Variants in NUDT3 observed in about 807,000 individuals in gnomAD.
NUDT3 encodes diphosphoinositol polyphosphate phosphohydrolase 1.
NUDT3 carries 9 observed loss-of-function variants against 23.6 expected under a neutral mutation model. The observed-to-expected ratio is 0.38, with a 90% confidence interval of 0.23 to 0.66. The LOEUF (loss-of-function observed/expected upper bound fraction) is 0.66, where lower values mean the gene tolerates loss of function less well. Ranked by LOEUF, NUDT3 falls within the 30% of genes least tolerant of loss-of-function variation. The probability of loss-of-function intolerance (pLI) is 0.52; values close to 1 mark genes in which losing one functional copy is unlikely to be tolerated. For missense variants in NUDT3, 172 were observed against 218.5 expected (o/e 0.79, Z 1.34); for synonymous variants, 86 against 82.6 (o/e 1.04, Z -0.22).
intron 2 of NUDT3, among the ~76,000 whole-genome samples, chr6:34,320,053 T>G (rs1450221156): frequency 6.6e-6 from 1 of 152,192 alleles, no homozygotes; most frequent in African/African-American, 2.4e-5. Flanking sequence ...TCCTTTTTAA[T>G]AATTTACATG....
At chr6:34,326,403 A>G (rs1246961536) in intron 2 of NUDT3, among the ~76,000 whole-genome samples, 1 of 152,252 alleles carries the variant, frequency 6.6e-6, no homozygotes, top group Non-Finnish European at 1.5e-5. Flanking sequence ...AGTTTAAAAT[A>G]AAGTTAAAAT....
At chr6:34,299,619 TTA>T (rs1491228632) in intron 2 of NUDT3, among the ~76,000 whole-genome samples, 8 of 135,466 alleles carry the variant, frequency 5.9e-5, no homozygotes, top group South Asian at 2.3e-4. Context: ...TTTTTTTTTT[TTA>T]AAGTCCAGGT....
At chr6:34,304,651 T>A (rs544613909) in intron 2 of NUDT3, among the ~76,000 whole-genome samples, 3 of 151,590 alleles carry the variant, frequency 2.0e-5, no homozygotes, top group Non-Finnish European at 2.9e-5. Flanking sequence ...CAAATTTTTC[T>A]TTTTCCTTTT....
chr6:34,322,288 T>TAG (rs1434412303), intron 2 of NUDT3, among the ~76,000 whole-genome samples: 1 of 151,922 alleles, frequency 6.6e-6, no homozygotes. Context: ...TGGAGTGCAG[T>TAG]GGCACGATTT....
At chr6:34,299,916 A>T (rs892791490) in intron 2 of NUDT3, among the ~76,000 whole-genome samples, 28 of 134,042 alleles carry the variant, frequency 2.1e-4, no homozygotes, top group African/African-American at 6.3e-4. Context: ...AAAAAAAAAT[A>T]TTTTTTTTAT....
intron 1 of NUDT3, among the ~76,000 whole-genome samples, chr6:34,350,014 G>A (rs1371779986): frequency 2.0e-5 from 3 of 150,210 alleles, no homozygotes; most frequent in Admixed American, 1.3e-4. Flanking sequence ...GCGTGAATCC[G>A]GGGGGTGGAG....
chr6:34,312,215 A>G (rs1763784209), intron 2 of NUDT3, among the ~76,000 whole-genome samples: 1 of 152,142 alleles, frequency 6.6e-6, no homozygotes, highest in South Asian at 2.1e-4. Context: ...CAGCCTGGCC[A>G]ACATGCCAAA....
At chr6:34,298,723 G>C (rs1207815371) in intron 2 of NUDT3, among the ~76,000 whole-genome samples, 2 of 152,146 alleles carry the variant, frequency 1.3e-5, no homozygotes, top group Non-Finnish European at 2.9e-5. Flanking sequence ...TGGGATTACA[G>C]GTGCATGCCA....
intron 1 of NUDT3, among the ~76,000 whole-genome samples, chr6:34,361,934 T>C (rs1764657235): frequency 6.6e-6 from 1 of 152,198 alleles, no homozygotes; most frequent in African/African-American, 2.4e-5. Context: ...TGCATACATT[T>C]GTCCAATCCA....
At chr6:34,289,717 C>T (rs1442156139) in intron 4 of NUDT3, among the ~76,000 whole-genome samples, 1 of 152,098 alleles carries the variant, frequency 6.6e-6, no homozygotes, top group East Asian at 1.9e-4. Context: ...AATCTCAATA[C>T]AATCACACTT....
intron 1 of NUDT3, among the ~76,000 whole-genome samples, chr6:34,347,197 T>C (rs544383062): frequency 5.4e-4 from 83 of 152,322 alleles, no homozygotes; most frequent in African/African-American, 1.8e-3. Context: ...GAAAAGAAAT[T>C]AAGTGCAAAA....
At chr6:34,375,674 T>C (rs1764910760) in intron 1 of NUDT3, among the ~76,000 whole-genome samples, 1 of 152,324 alleles carries the variant, frequency 6.6e-6, no homozygotes, top group East Asian at 1.9e-4. Flanking sequence ...TTCATGTCAA[T>C]ATAACTCAGA....
chr6:34,346,519 T>A (rs941729586), intron 1 of NUDT3, among the ~76,000 whole-genome samples: 1 of 152,186 alleles, frequency 6.6e-6, no homozygotes, highest in African/African-American at 2.4e-5. Flanking sequence ...AGATAAGCAT[T>A]CAATTTCTAA....
At chr6:34,338,555 G>T (rs779309915) in intron 2 of NUDT3, among the ~76,000 whole-genome samples, 1 of 152,196 alleles carries the variant, frequency 6.6e-6, no homozygotes, top group Non-Finnish European at 1.5e-5. Context: ...TGTGCAAGAT[G>T]GATGGGCACT....
intron 1 of NUDT3, among the ~76,000 whole-genome samples, chr6:34,386,110 C>T (rs966716242): frequency 6.6e-6 from 1 of 152,178 alleles, no homozygotes; most frequent in African/African-American, 2.4e-5. Context: ...AGCTGGGAGG[C>T]CACCTGGTTG....
chr6:34,373,795 A>G (rs922657276), intron 1 of NUDT3, among the ~76,000 whole-genome samples: 3 of 152,320 alleles, frequency 2.0e-5, no homozygotes, highest in Non-Finnish European at 4.4e-5. Flanking sequence ...TAATTGTGTT[A>G]CAGCCTTTCA....
At chr6:34,371,327 G>C (rs1317397561) in intron 1 of NUDT3, among the ~76,000 whole-genome samples, 1 of 150,912 alleles carries the variant, frequency 6.6e-6, no homozygotes, top group African/African-American at 2.4e-5. Context: ...AATTAGCTGG[G>C]CGTGGTGGCG....
chr6:34,350,423 C>T (rs1233016957), intron 1 of NUDT3, among the ~76,000 whole-genome samples: 1 of 150,674 alleles, frequency 6.6e-6, no homozygotes, highest in Non-Finnish European at 1.5e-5. Context: ...AAAAATAAGG[C>T]CAAGATGAAA....
At chr6:34,376,726 G>A (rs370208987) in intron 1 of NUDT3, among the ~76,000 whole-genome samples, 86 of 152,060 alleles carry the variant, frequency 5.7e-4, no homozygotes, top group African/African-American at 1.8e-3. Flanking sequence ...GGTAGCCCCC[G>A]CTGAGTTCAC....
Sources: allele counts gnomAD v4.1 joint callset (sites outside exome capture counted in the v4.1 genomes callset), GRCh38; gene constraint gnomAD v4.1.1; transcripts MANE v1.5; gene names NCBI Gene and HGNC (gene_info 2026-07-23, HGNC 2026-07-21).